The following CDH3 variants were observed in gnomAD, a reference collection of about 807,000 sequenced individuals.
CDH3 encodes cadherin-3.
In CDH3, 54 loss-of-function variants were observed where a neutral mutation model predicts 82.0. That is an observed-to-expected ratio of 0.66 (90% CI 0.53 to 0.83). The LOEUF (loss-of-function observed/expected upper bound fraction) is 0.83. Ranked by LOEUF, CDH3 falls within the 40% of genes least tolerant of loss-of-function variation. The probability of loss-of-function intolerance (pLI) is 0.00; values close to 1 mark genes in which losing one functional copy is unlikely to be tolerated. For missense variants in CDH3, 1,054 were observed against 1,084.6 expected, an observed-to-expected ratio of 0.97 and a Z score of 0.40; for synonymous variants, 446 against 437.9, an observed-to-expected ratio of 1.02 and a Z score of -0.23.
chr16:68,655,908 T>A (rs573320538), intron 2 of CDH3, among the ~76,000 whole-genome samples: 3 of 152,032 alleles, frequency 2.0e-5, no homozygotes, highest in African/African-American at 7.2e-5. Context: ...AGGAGTGATA[T>A]AGAGTCACAT....
Position 68,718,768 on chromosome 16 carries a change from C to T in CDH3, c.100-3657C>T, listed in dbSNP as rs539959548. Reference sequence around the variant, plus strand: ...CTAACCATATGATTTAGTAACTCTGCTCCTAGGTATTTACCCAAGAAGAAT... The same window carrying T: ...CTAACCATATGATTTAGTAACTCTGTTCCTAGGTATTTACCCAAGAAGAAT... On this transcript the variant is annotated intron_variant, in intron 1 of 2. Transcript: ENST00000569080. Among the ~76,000 whole-genome samples the T allele has an allele frequency of 2.0e-5, 3 of 152,278 alleles. No homozygotes were observed. The South Asian group carries it at 6.2e-4, about 32-fold the overall frequency.
At chr16:68,686,573 A>C (rs1269285853) in intron 11 of CDH3, 21 of 1,237,300 alleles carry the variant, frequency 1.7e-5, no homozygotes, top group Non-Finnish European at 2.4e-5. Context: ...AGTTAGCGTG[A>C]AAGTTGGAGA....
rs377354522 is a variant in CDH3, at chr16:68,698,272, G to C, written c.2362G>C (p.Asp788His). Residue 788 changes from aspartate (D) to histidine (H), a missense_variant, in exon 16 of 16, where the codon GAC becomes CAC. Transcript: ENST00000264012. ...GTTCGACTATGAGGGCAGCGGCTCC[G>C]ACGCCGCGTCCCTGAGCTCCCTCAC... is the stretch of plus-strand genomic sequence containing the variant. ...LVFDYEGSGS[D>H]AASLSSLTSS... 19 of 1,614,214 alleles carry C rather than the reference G, an allele frequency of 1.2e-5. No homozygotes were observed. Among genetic ancestry groups the C allele is most frequent in the Non-Finnish European group, 1.6e-5 (19 of 1,180,034 alleles).
chr16:68,685,746 A>AGCTG (rs1961393960), intron 11 of CDH3, among the ~76,000 whole-genome samples: 2 of 152,056 alleles, frequency 1.3e-5, no homozygotes, highest in Non-Finnish European at 2.9e-5. Context: ...GGTGGAGGCT[A>AGCTG]CAGTGAGCCA....
At chr16:68,686,912 G>A (rs1961427723) in intron 11 of CDH3, among the ~76,000 whole-genome samples, 1 of 152,224 alleles carries the variant, frequency 6.6e-6, no homozygotes, top group African/African-American at 2.4e-5. Context: ...TGGTTGCAGT[G>A]AGCCGAAATT....
chr16:68,658,576 C>T (rs17622343), intron 2 of CDH3, among the ~76,000 whole-genome samples: 2,432 of 151,826 alleles, frequency 0.016, 34 homozygotes, highest in Non-Finnish European at 0.023. Context: ...GCGGCCTTTG[C>T]ACAGCGTGCC....
intron 2 of CDH3, among the ~76,000 whole-genome samples, chr16:68,669,230 G>C (rs1018909311): frequency 1.3e-5 from 2 of 152,146 alleles, no homozygotes; most frequent in Non-Finnish European, 2.9e-5. Context: ...GATTTGGGTA[G>C]GAAAACACTT....
chr16:68,667,861 G>C (rs1018265891), intron 2 of CDH3, among the ~76,000 whole-genome samples: 1 of 152,122 alleles, frequency 6.6e-6, no homozygotes, highest in African/African-American at 2.4e-5. Context: ...ATCGAGTGCA[G>C]ATACATAGAG....
chr16:68,662,326 C>T (rs1960605778), intron 2 of CDH3, among the ~76,000 whole-genome samples: 1 of 152,132 alleles, frequency 6.6e-6, no homozygotes, highest in African/African-American at 2.4e-5. Context: ...GACATGGTGA[C>T]ATGCACCTTT....
rs1356639667 is a variant in CDH3, at chr16:68,679,874, C to G, written c.767C>G (p.Ser256Cys). The G allele has an allele frequency of 2.5e-6, 4 of 1,613,636 alleles. No individual in the cohort carries two copies. In the African/African-American group the frequency reaches 4.0e-5, roughly 16 times the overall value. ...ACCTACAATGGGGTGGTTGCTTACT[C>G]CATCCATAGCCAAGAACCAAAGGAC... ...IYTYNGVVAY[S>C]IHSQEPKDPH... The change falls in exon 7 of 16, where the codon TCC becomes TGC. Residue 256 changes from serine (S) to cysteine (C), a missense_variant. Ser to Cys is a moderately radical substitution (Grantham distance 112). Transcript: ENST00000264012.
At chr16:68,667,607 A>G (rs1308498124) in intron 2 of CDH3, among the ~76,000 whole-genome samples, 1 of 152,212 alleles carries the variant, frequency 6.6e-6, no homozygotes, top group East Asian at 1.9e-4. Context: ...GCAAATTCCA[A>G]CCTAAAAGCA....
chr16:68,701,281 A>T (rs930031885), downstream of CDH3, among the ~76,000 whole-genome samples: 2 of 151,844 alleles, frequency 1.3e-5, no homozygotes, highest in Non-Finnish European at 2.9e-5. Flanking sequence ...GGGCTCTGTG[A>T]TGGGGACAAT....
At chr16:68,701,482 T>G (rs1260529162), downstream of CDH3, among the ~76,000 whole-genome samples, 5 of 152,170 alleles carry the variant, frequency 3.3e-5, no homozygotes, top group Admixed American at 3.3e-4. Flanking sequence ...CCTTTGAATT[T>G]TGTGTTTCAA....
At chr16:68,694,312 CAAAAAAAA>C (rs1162877121) in intron 13 of CDH3, among the ~76,000 whole-genome samples, 3 of 74,718 alleles carry the variant, frequency 4.0e-5, no homozygotes, top group African/African-American at 1.7e-4. Flanking sequence ...GACTCCCTCT[CAAAAAAAA>C]AAAAAAAAAA....
chr16:68,671,797 CA>C (rs1263080486), intron 2 of CDH3, among the ~76,000 whole-genome samples: 3 of 152,122 alleles, frequency 2.0e-5, no homozygotes, highest in Non-Finnish European at 4.4e-5. Flanking sequence ...CCTGGGATTA[CA>C]GGCGTGAGAT....
chr16:68,673,633 A>T (rs1258475936), intron 2 of CDH3, among the ~76,000 whole-genome samples: 1 of 152,178 alleles, frequency 6.6e-6, no homozygotes, highest in Non-Finnish European at 1.5e-5. Flanking sequence ...TTTTCAAAAA[A>T]TTCGTATAGA....
chr16:68,693,638 G>A (rs1300266642), intron 13 of CDH3, among the ~76,000 whole-genome samples: 1 of 152,158 alleles, frequency 6.6e-6, no homozygotes, highest in Non-Finnish European at 1.5e-5. Flanking sequence ...AGACTCGGGA[G>A]AGGAGAGGTT....
intron 2 of CDH3, among the ~76,000 whole-genome samples, chr16:68,675,793 GA>G (rs571278010): frequency 2.6e-3 from 287 of 110,510 alleles, no homozygotes; most frequent in Middle Eastern, 0.011. Flanking sequence ...ACTCTGCCTC[GA>G]AAAAAAAAAA....
intron 2 of CDH3, among the ~76,000 whole-genome samples, chr16:68,668,684 C>G (rs768563150): frequency 6.6e-6 from 1 of 152,170 alleles, no homozygotes; most frequent in African/African-American, 2.4e-5. Context: ...CCTATTGTGC[C>G]CTCTGGTCCC....
Sources: gnomAD v4.1 joint callset for allele counts (sites outside exome capture counted in the v4.1 genomes callset) on GRCh38, gnomAD v4.1.1 for gene constraint, MANE v1.5 for transcripts, NCBI Gene and HGNC (gene_info 2026-07-23, HGNC 2026-07-21) for gene names.